The following GALNT15 variants were observed in gnomAD, a reference collection of about 807,000 sequenced individuals.
GALNT15 encodes polypeptide N-acetylgalactosaminyltransferase 15.
In GALNT15, 67 loss-of-function variants were observed where a neutral mutation model predicts 66.8. The observed-to-expected ratio is 1.00, with a 90% CI of 0.82 to 1.23. GALNT15 has a LOEUF of 1.23. Ranked by LOEUF, GALNT15 falls within the 50% of genes most tolerant of loss-of-function variation. GALNT15 has a pLI of 0.00. For synonymous variants in GALNT15, 313 were observed against 311.5 expected (o/e 1.00, Z -0.05); for missense variants, 827 against 804.3 (o/e 1.03, Z -0.34).
chr3:16,228,671 G>A lies in GALNT15; in HGVS notation c.*1171G>A, dbSNP rs1380227972. The A allele has an allele frequency of 1.0e-6, 1 of 983,984 alleles. No individual in the cohort carries two copies. 61.0% of individuals were successfully genotyped at this position (983,984 alleles called of 1,614,324 possible). A position where few individuals can be genotyped will look rare whatever the true frequency, so the allele number is the denominator to read the frequency against. On this transcript the variant is annotated 3_prime_UTR_variant, in exon 10 of 10. Coordinates refer to ENST00000339732, the MANE Select transcript of GALNT15 (RefSeq NM_054110.5). ...AAAAAAAAAAGAGAGAAACTCTCCT[G>A]ATGCCCTGTTACAGGGTTTGCACTG...
At chr3:16,244,002 A>T in the GALNT15 span, 1 of 985,306 alleles carries the variant, frequency 1.0e-6, no homozygotes, top group Non-Finnish European at 1.2e-6. Context: ...TTTCTTTCTC[A>T]GGTCTCATAA....
chr3:16,206,353 G>C (rs1349426884), intron 3 of GALNT15, among the ~76,000 whole-genome samples: 2 of 150,418 alleles, frequency 1.3e-5, no homozygotes, highest in Non-Finnish European at 3.0e-5. Flanking sequence ...CTGCACTCCA[G>C]TCTGGGCGAC....
chr3:16,186,047 T>C lies in GALNT15; in HGVS notation c.540-9713T>C, dbSNP rs540524010. Among the ~76,000 whole-genome samples, 1 of 152,292 alleles carries C rather than the reference T, an allele frequency of 6.6e-6. No individual in the cohort carries two copies. The highest frequency in any genetic ancestry group is 2.1e-4 in the South Asian group (1 of 4,824). On this transcript the variant is annotated intron_variant, in intron 1 of 9. Coordinates refer to ENST00000339732, the MANE Select transcript of GALNT15 (RefSeq NM_054110.5). The surrounding 1 kb of genome is among the most constrained non-coding windows in gnomAD (Gnocchi z 5.1). ...GAAGAAAATGTTTGTAAGTCCTATA[T>C]TGCATAAGAGATTTGTATCCAAAAT...
In GALNT15 at chr3:16,213,676, A is replaced by G. The variant is rs576392766; in HGVS notation, c.1392+913A>G. ...AAAGACAAGATTCCCAGGACCCACA[A>G]CAGTCCTGGAGCAGCTCCCACAAGC... is the stretch of plus-strand genomic sequence containing the variant. On this transcript the variant is annotated intron_variant, in intron 6 of 9. Transcript: ENST00000339732. 2.0e-5 allele frequency among the ~76,000 whole-genome samples: 3 copies of G among 152,258 alleles called. 1 individual carries two copies. The highest frequency in any genetic ancestry group is 7.2e-5 in the African/African-American group (3 of 41,552).
rs769536107 is a variant in GALNT15 at position 16,200,725 on chromosome 3, C to CA, written c.814dup (p.Thr272AsnfsTer32). On this transcript the variant is annotated frameshift_variant, in exon 3 of 10. Transcript: ENST00000339732. LOFTEE classifies it high-confidence loss of function. The surrounding 1 kb of genome is among the most constrained non-coding windows in gnomAD (Gnocchi z 4.4). Reference sequence around the variant, plus strand: ...CCATCAGGGCCCGGATGCTGGGGGCCACCAGAGCCACCGGGGATGTGCTCG... The same window carrying CA: ...CCATCAGGGCCCGGATGCTGGGGGCCAACCAGAGCCACCGGGGATGTGCTCG... The CA allele has an allele frequency of 2.5e-6, 4 of 1,612,128 alleles. No individual in the cohort carries two copies. The Admixed American group carries it at 6.7e-5, about 27-fold the overall frequency.
At chr3:16,238,978 C>G in the GALNT15 span, among the ~76,000 whole-genome samples, 1 of 152,242 alleles carries the variant, frequency 6.6e-6, no homozygotes, top group East Asian at 1.9e-4. This position sits in a 1 kb window ranked among gnomAD's most constrained non-coding sequence, Gnocchi z 4.8. Context: ...GATCCAGGCT[C>G]TTTTTAAACT....
Position 16,190,637 on chromosome 3 carries a change from C to CAA in GALNT15, c.540-5104_540-5103dup, listed in dbSNP as rs34205852. ...TGGGGGACAGAGCGAGACTCCGTAT[C>CAA]AAAAAAAAAAAAAAAAAAAAGAAAC... is the stretch of plus-strand genomic sequence containing the variant. On this transcript the variant is annotated intron_variant, in intron 1 of 9. Transcript: ENST00000339732. 6.0e-3 allele frequency among the ~76,000 whole-genome samples: 587 copies of CAA among 98,616 alleles called. 5 individuals carry two copies. The highest frequency in any genetic ancestry group is 0.017 in the African/African-American group (425 of 25,470). The allele number at this position is 98,616 out of a possible 152,430, so 64.7% of individuals were successfully genotyped here. A position where few individuals can be genotyped will look rare whatever the true frequency, so the allele number is the denominator to read the frequency against.
chr3:16,219,300 T>TGTCCTGATCCTTTAGCTTCTTCCC lies in GALNT15; in HGVS notation c.1393-102_1393-79dup. On this transcript the variant is annotated intron_variant, in intron 6 of 9. Coordinates refer to ENST00000339732, the MANE Select transcript of GALNT15 (RefSeq NM_054110.5). The surrounding 1 kb of genome is among the most constrained non-coding windows in gnomAD (Gnocchi z 4.3). ...AACTGTGGTCTTGGCCCCTTCCTTCTGTCCTGATCCTTTAGCTTCTTCCCA... is the reference window on the plus strand; with the variant it reads ...AACTGTGGTCTTGGCCCCTTCCTTCTGTCCTGATCCTTTAGCTTCTTCCCGTCCTGATCCTTTAGCTTCTTCCCA... 1 of 1,477,518 alleles carries TGTCCTGATCCTTTAGCTTCTTCCC rather than the reference T, an allele frequency of 6.8e-7. No homozygotes were observed. Among genetic ancestry groups the TGTCCTGATCCTTTAGCTTCTTCCC allele is most frequent in the Non-Finnish European group, 9.2e-7 (1 of 1,082,914 alleles). 91.5% of individuals were successfully genotyped at this position (1,477,518 alleles called of 1,614,324 possible).
At chr3:16,232,098 C>A, downstream of GALNT15, 1 of 782,316 alleles carries the variant, frequency 1.3e-6, no homozygotes, top group Non-Finnish European at 1.9e-6. Flanking sequence ...TTCTCCAAAA[C>A]TCTCCAAAAT....
chr3:16,208,310 G>A (rs2063779076), intron 3 of GALNT15, among the ~76,000 whole-genome samples, 193 bp from the exon 4 acceptor site: 1 of 151,956 alleles, frequency 6.6e-6, no homozygotes, highest in Non-Finnish European at 1.5e-5. Context: ...TAAGATTTTT[G>A]CATCATTTTT....
chr3:16,192,403 A>G (rs917277636), intron 1 of GALNT15, among the ~76,000 whole-genome samples: 2 of 152,000 alleles, frequency 1.3e-5, no homozygotes, highest in African/African-American at 4.8e-5. Flanking sequence ...TCTGTCCCAA[A>G]CTCCTTTCCT....
the GALNT15 span, among the ~76,000 whole-genome samples, chr3:16,239,873 G>A: frequency 1.2e-4 from 19 of 152,228 alleles, 1 homozygote; most frequent in Admixed American, 1.2e-3. The surrounding 1 kb of genome is among the most constrained non-coding windows in gnomAD (Gnocchi z 5.2). Flanking sequence ...AGTTGCGTGA[G>A]AATCTTGCTT....
At chr3:16,233,777 A>G (rs796975236), downstream of GALNT15, among the ~76,000 whole-genome samples, 24 of 152,324 alleles carry the variant, frequency 1.6e-4, no homozygotes, top group African/African-American at 5.8e-4. Context: ...TAGAACACTG[A>G]GCAAATAAAT....
In GALNT15 at chr3:16,194,821, G is replaced by T. The variant is rs369773823; in HGVS notation, c.540-939G>T. Among the ~76,000 whole-genome samples, 5 of 152,232 alleles carry T rather than the reference G, an allele frequency of 3.3e-5. No homozygotes were observed. The East Asian group carries it at 7.7e-4, about 24-fold the overall frequency. Reference sequence around the variant, plus strand: ...CAGGGAGGGGAGCAACACACACTGGGGCCTGTTGTGGGGGCATGGGGAGGG... The same window carrying T: ...CAGGGAGGGGAGCAACACACACTGGTGCCTGTTGTGGGGGCATGGGGAGGG... On this transcript the variant is annotated intron_variant, in intron 1 of 9. Transcript: ENST00000339732.
intron 6 of GALNT15, among the ~76,000 whole-genome samples, chr3:16,218,146 C>A (rs1349225451): frequency 1.3e-5 from 2 of 152,232 alleles, no homozygotes; most frequent in African/African-American, 2.4e-5. Flanking sequence ...CAGGGAATCA[C>A]ACTTTGAGAA....
chr3:16,212,882 T>G lies in GALNT15; in HGVS notation c.1392+119T>G, dbSNP rs1278755425. The G allele has an allele frequency of 3.6e-6, 3 of 828,724 alleles. No homozygotes were observed. In the African/African-American group the frequency reaches 5.2e-5, roughly 14 times the overall value. 51.3% of individuals were successfully genotyped at this position (828,724 alleles called of 1,614,324 possible). ...AAAACAGAAGATTCTGGCTTGAGCT[T>G]CCCTCATGCTGCCCTATTTTAAGTG... On this transcript the variant is annotated intron_variant, in intron 6 of 9. Coordinates refer to ENST00000339732, the MANE Select transcript of GALNT15 (RefSeq NM_054110.5).
rs767442647 is a variant in GALNT15 at position 16,227,403 on chromosome 3, T to C, written c.1823T>C (p.Val608Ala). 9.9e-6 allele frequency: 16 copies of C among 1,613,998 alleles called. No homozygotes were observed. Among genetic ancestry groups the C allele is most frequent in the Admixed American group, 5.0e-5 (3 of 59,998 alleles). The change falls in exon 10 of 10, where the codon GTG becomes GCG. Residue 608 changes from valine to alanine, a missense_variant. Val to Ala is a moderately conservative substitution (Grantham distance 64, BLOSUM62 0). Transcript: ENST00000339732. This position sits in a 1 kb window ranked among gnomAD's most constrained non-coding sequence, Gnocchi z 4.5. The stretch of plus-strand genomic sequence containing the variant: ...TCTGGGAAATGCATGGAAGCTGTGG[T>C]GCAAGAAAACAATAAAGATTTGTAC... ...ILSGKCMEAV[V>A]QENNKDLYLR...
intron 1 of GALNT15, among the ~76,000 whole-genome samples, chr3:16,190,637 CAAAAA>C (rs34205852): frequency 2.0e-5 from 2 of 98,644 alleles, no homozygotes; most frequent in Non-Finnish European, 2.0e-5. Flanking sequence ...GACTCCGTAT[CAAAAA>C]AAAAAAAAAA....
intron 6 of GALNT15, among the ~76,000 whole-genome samples, chr3:16,215,470 A>AT (rs1014175766): frequency 6.6e-6 from 1 of 152,164 alleles, no homozygotes; most frequent in African/African-American, 2.4e-5. Context: ...ACCTTTTAGT[A>AT]TTTTTTCTCT....
Sources: gnomAD v4.1 joint callset for allele counts (sites outside exome capture counted in the v4.1 genomes callset) on GRCh38, gnomAD v4.1.1 for gene constraint, Gnocchi (gnomAD v3.1) non-coding constraint, MANE v1.5 for transcripts, NCBI Gene and HGNC (gene_info 2026-07-23, HGNC 2026-07-21) for gene names.